Variants in CAST observed in about 807,000 individuals in gnomAD.
The protein encoded by CAST is MIR583 host.
In CAST, 76 loss-of-function variants were observed where a neutral mutation model predicts 119.6. That is an observed-to-expected ratio of 0.64 (90% CI 0.53 to 0.77). CAST has a LOEUF of 0.77. CAST is among the 30% of genes least tolerant of loss of function. CAST has a pLI of 0.00. For missense variants in CAST, 953 were observed against 946.5 expected, an observed-to-expected ratio of 1.01 and a Z score of -0.09; for synonymous variants, 319 against 331.6, an observed-to-expected ratio of 0.96 and a Z score of 0.41.
At chr5:95,989,093 T>A in the CAST span, among the ~76,000 whole-genome samples, 2 of 152,294 alleles carry the variant, frequency 1.3e-5, no homozygotes, top group Admixed American at 6.5e-5. Context: ...GCTGGGGAAG[T>A]GTCAAAGTCT....
At chr5:96,108,103 G>T in the CAST span, among the ~76,000 whole-genome samples, 2 of 151,824 alleles carry the variant, frequency 1.3e-5, no homozygotes, top group South Asian at 4.2e-4. Flanking sequence ...CTCTGTATTG[G>T]TTATTCTAGT....
chr5:95,995,995 A>G, the CAST span, among the ~76,000 whole-genome samples: 1 of 152,132 alleles, frequency 6.6e-6, no homozygotes, highest in African/African-American at 2.4e-5. Context: ...AGCAGCTCAA[A>G]ATCTTTTGAT....
At chr5:95,985,402 A>T in the CAST span, among the ~76,000 whole-genome samples, 1 of 152,244 alleles carries the variant, frequency 6.6e-6, no homozygotes. Context: ...CCAGTAAAGA[A>T]GATTTGAATA....
chr5:96,135,183 A>G, the CAST span, among the ~76,000 whole-genome samples: 1 of 152,184 alleles, frequency 6.6e-6, no homozygotes, highest in Non-Finnish European at 1.5e-5. Context: ...GGATGACTTT[A>G]AACAAATAAT....
At chr5:96,401,849 A>G in the CAST span, among the ~76,000 whole-genome samples, 1 of 152,182 alleles carries the variant, frequency 6.6e-6, no homozygotes, top group Non-Finnish European at 1.5e-5. Flanking sequence ...CACAGGGTAT[A>G]TATGCTCAGC....
At chr5:96,590,898 C>G (rs1746951330) in intron 1 of CAST, among the ~76,000 whole-genome samples, 1 of 151,996 alleles carries the variant, frequency 6.6e-6, no homozygotes, top group Admixed American at 6.6e-5. Flanking sequence ...AAAGATAAAC[C>G]AGCATAGCCA....
At chr5:96,555,725 A>C (rs1746225694) in intron 1 of CAST, among the ~76,000 whole-genome samples, 1 of 152,236 alleles carries the variant, frequency 6.6e-6, no homozygotes, top group African/African-American at 2.4e-5. Context: ...CAAAGCGGCC[A>C]GGAAGCTCAA....
At chr5:96,336,992 T>A in the CAST span, among the ~76,000 whole-genome samples, 1 of 152,278 alleles carries the variant, frequency 6.6e-6, no homozygotes, top group Non-Finnish European at 1.5e-5. Flanking sequence ...GTAAGAGCTG[T>A]TTTGCAGAAG....
chr5:96,073,616 A>T, the CAST span, among the ~76,000 whole-genome samples: 1 of 152,182 alleles, frequency 6.6e-6, no homozygotes, highest in Non-Finnish European at 1.5e-5. Context: ...ATCTCAGGTC[A>T]TCAGACATTA....
the CAST span, among the ~76,000 whole-genome samples, chr5:96,300,058 T>A: frequency 2.0e-5 from 3 of 152,192 alleles, no homozygotes; most frequent in Non-Finnish European, 4.4e-5. Flanking sequence ...ATTTGTAGGT[T>A]ATCTCTTGAT....
the CAST span, among the ~76,000 whole-genome samples, chr5:96,007,121 T>C: frequency 1.3e-5 from 2 of 152,220 alleles, no homozygotes; most frequent in Non-Finnish European, 2.9e-5. Flanking sequence ...CTTCAATTAA[T>C]TGACCAGTTT....
At chr5:96,765,910 T>A (rs1769772867) in intron 26 of CAST, 143 bp from the exon 27 acceptor site, 2 of 570,630 alleles carry the variant, frequency 3.5e-6, no homozygotes, top group Non-Finnish European at 6.4e-6. Context: ...TCATCTGTGT[T>A]GTTCTGTTGC....
intron 1 of CAST, among the ~76,000 whole-genome samples, chr5:96,603,868 A>G (rs1747205800): frequency 6.7e-6 from 1 of 149,610 alleles, no homozygotes; most frequent in Non-Finnish European, 1.5e-5. Flanking sequence ...GGCTCAAACA[A>G]TCCTTCCGTC....
At chr5:96,734,171 C>T (rs1761171047) in intron 9 of CAST, among the ~76,000 whole-genome samples, 4 of 152,224 alleles carry the variant, frequency 2.6e-5, no homozygotes. Flanking sequence ...GCACAAAGTA[C>T]ATTCCAACGT....
the CAST span, among the ~76,000 whole-genome samples, chr5:96,516,367 A>AT: frequency 7.0e-5 from 10 of 142,292 alleles, no homozygotes; most frequent in Middle Eastern, 3.3e-3. Flanking sequence ...TTATGTGAAA[A>AT]TAAAAAAAAA....
chr5:96,151,527 AGAGGGTGGTAGTG>A, the CAST span, among the ~76,000 whole-genome samples: 131 of 152,314 alleles, frequency 8.6e-4, no homozygotes, highest in African/African-American at 3.0e-3. Flanking sequence ...AGGATAGTGC[AGAGGGTGGTAGTG>A]GAGGAGACCT....
intron 1 of CAST, among the ~76,000 whole-genome samples, chr5:96,549,385 G>A (rs1385935060): frequency 6.6e-6 from 1 of 152,214 alleles, no homozygotes. Context: ...TACTAAAATT[G>A]TAGGTAGATA....
the CAST span, among the ~76,000 whole-genome samples, chr5:96,170,783 A>G: frequency 6.6e-6 from 1 of 152,182 alleles, no homozygotes; most frequent in Admixed American, 6.5e-5. Context: ...ATTAACCTTG[A>G]CTATACCTTT....
the CAST span, among the ~76,000 whole-genome samples, chr5:96,189,635 G>T: frequency 6.6e-6 from 1 of 152,046 alleles, no homozygotes; most frequent in African/African-American, 2.4e-5. Flanking sequence ...GAACTTTGTG[G>T]ATTGATACTT....
Sources: allele counts gnomAD v4.1 joint callset (sites outside exome capture counted in the v4.1 genomes callset), GRCh38; gene constraint gnomAD v4.1.1; transcripts MANE v1.5; gene names NCBI Gene and HGNC (gene_info 2026-07-23, HGNC 2026-07-21).